ABCB10: variants seen among roughly 807,000 people sequenced by gnomAD.
ABCB10 encodes ATP-binding cassette sub-family B member 10, mitochondrial.
In ABCB10, 54 loss-of-function variants were observed where a neutral mutation model predicts 65.4. That is an observed-to-expected ratio of 0.83 (90% CI 0.66 to 1.04). ABCB10 has a LOEUF of 1.04. Among genes scored for constraint, ABCB10 ranks in the 50% least tolerant of loss-of-function variants. ABCB10 has a pLI of 0.00. For synonymous variants in ABCB10, 418 were observed against 406.5 expected (o/e 1.03, Z -0.34); for missense variants, 846 against 976.6 (o/e 0.87, Z 1.78).
intron 10 of ABCB10, 75 bp from the exon 11 acceptor site, chr1:229,521,710 T>TG: frequency 6.6e-7 from 1 of 1,525,272 alleles, no homozygotes; most frequent in Non-Finnish European, 9.0e-7. Flanking sequence ...ATAAACCATA[T>TG]AGCAATTTGA....
chr1:229,533,856 A>G (rs1330403796), intron 6 of ABCB10, among the ~76,000 whole-genome samples: 2 of 152,242 alleles, frequency 1.3e-5, no homozygotes, highest in African/African-American at 4.8e-5. Context: ...GAGCAAGTGT[A>G]GATGACCTTG....
At chr1:229,536,848 T>C (rs1662732077) in intron 6 of ABCB10, among the ~76,000 whole-genome samples, 1 of 151,408 alleles carries the variant, frequency 6.6e-6, no homozygotes, top group Non-Finnish European at 1.5e-5. Context: ...TCTCAGCTAC[T>C]CAGGGGGCTG....
rs114066954 is a variant in ABCB10 at position 229,524,776 on chromosome 1, T to C, written c.1906+1160A>G. ...CGGCCCTCAAGCTAAGAATGTGTTTTACATTTTTAAAGTTGCTTAAAAGCA... is the reference window on the plus strand; with the variant it reads ...CGGCCCTCAAGCTAAGAATGTGTTTCACATTTTTAAAGTTGCTTAAAAGCA... On this transcript the variant is annotated intron_variant, in intron 10 of 12. Transcript: ENST00000344517. Among the ~76,000 whole-genome samples the C allele has an allele frequency of 9.1e-3, 1,385 of 152,280 alleles. 19 individuals are homozygous for C. Among genetic ancestry groups the C allele is most frequent in the African/African-American group, 0.031 (1,299 of 41,554 alleles).
intron 3 of ABCB10, among the ~76,000 whole-genome samples, chr1:229,546,502 CAT>C (rs1178859144): frequency 2.0e-5 from 3 of 152,092 alleles, no homozygotes; most frequent in African/African-American, 7.2e-5. Context: ...TAAAATACCT[CAT>C]TAATAATTTT....
At position 229,557,039 on chromosome 1, in the gene ABCB10, T is replaced by C. The variant is rs551713389; in HGVS notation, c.517+1097A>G. Among the ~76,000 whole-genome samples, 13 of 152,316 alleles carry C rather than the reference T, an allele frequency of 8.5e-5. No homozygotes were observed. In the South Asian group the frequency reaches 2.7e-3, roughly 32 times the overall value. On this transcript the variant is annotated intron_variant, in intron 1 of 12. Transcript: ENST00000344517. ...CCAACTGAACAATGAAATAATTCTC[T>C]TTACACCCGAGTGATATCAACAGCC...
At chr1:229,544,784 T>C (rs554712116) in intron 3 of ABCB10, among the ~76,000 whole-genome samples, 43 of 152,272 alleles carry the variant, frequency 2.8e-4, no homozygotes, top group African/African-American at 7.7e-4. Context: ...CATGATCCAA[T>C]AGGATTAGTG....
rs1220846127 is a variant in ABCB10 at position 229,517,158 on chromosome 1, TATTA to T, written c.*1017_*1020del. 1 of 152,214 alleles carries T rather than the reference TATTA, an allele frequency of 6.6e-6. No individual in the cohort carries two copies. Among genetic ancestry groups the T allele is most frequent in the Non-Finnish European group, 1.5e-5 (1 of 68,014 alleles). The allele number at this position is 152,214 out of a possible 1,614,324, so 9.4% of individuals were successfully genotyped here. On this transcript the variant is annotated 3_prime_UTR_variant, in exon 13 of 13. Transcript: ENST00000344517. The stretch of plus-strand genomic sequence containing the variant: ...AACTATAACCATAAATAAAAGGGCT[TATTA>T]ATATCTTCTTTTCAGGAGAGTGATA...
chr1:229,527,403 T>TTTTAAATGA, intron 8 of ABCB10, 95 bp from the exon 9 acceptor site: 1 of 1,087,704 alleles, frequency 9.2e-7, no homozygotes, highest in East Asian at 2.4e-5. Context: ...CAGACTCATT[T>TTTTAAATGA]TTTAAAGATC....
At position 229,518,385 on chromosome 1, in the gene ABCB10, G is replaced by A; in HGVS notation, c.2011C>T (p.Leu671Phe). The A allele has an allele frequency of 1.2e-6, 2 of 1,614,082 alleles. No individual in the cohort carries two copies. The highest frequency in any genetic ancestry group is 2.2e-5 in the East Asian group (1 of 44,884). The stretch of plus-strand genomic sequence containing the variant: ...AGTCGATCTAGAGCTTCTTGAACAA[G>A]GTACTCATTTTCGGCATCCAGCGCA... The part of the protein sequence containing the change: ...TSALDAENEY[L>F]VQEALDRLMD... Residue 671 changes from leucine (L) to phenylalanine (F), a missense_variant, in exon 13 of 13, where the codon CTT becomes TTT. By Grantham distance (22) the Leu-to-Phe change is conservative. Coordinates refer to ENST00000344517, the MANE Select transcript of ABCB10 (RefSeq NM_012089.3).
chr1:229,540,726 T>C lies in ABCB10; in HGVS notation c.1083A>G (p.Val361=). 1 of 1,613,772 alleles carries C rather than the reference T, an allele frequency of 6.2e-7. No individual in the cohort carries two copies. Residue 361 remains valine, a synonymous_variant, in exon 5 of 13, where the codon GTA becomes GTG. Transcript: ENST00000344517. ...CTTTCCCAAAAGCTCGAACAGTTCT[T>C]ACATTTCCAATACGTTCCTCAGCTA... ...TQLAEERIGN[V]RTVRAFGKEM...
chr1:229,523,239 G>A (rs1662358591), intron 10 of ABCB10, among the ~76,000 whole-genome samples: 1 of 152,076 alleles, frequency 6.6e-6, no homozygotes, highest in Non-Finnish European at 1.5e-5. Flanking sequence ...CCCTATCTTT[G>A]TCTCACCCCA....
Position 229,544,206 on chromosome 1 carries a change from G to A in ABCB10, c.922-1835C>T, listed in dbSNP as rs374980039. Among the ~76,000 whole-genome samples, 87 of 152,198 alleles carry A rather than the reference G, an allele frequency of 5.7e-4. No individual in the cohort carries two copies. The South Asian group carries it at 0.018, about 31-fold the overall frequency. The stretch of plus-strand genomic sequence containing the variant: ...AGGCAGGCGGATCGCTTGAGCCCAG[G>A]AGTTCAAAACCAGTGGGCTGGGCAA... On this transcript the variant is annotated intron_variant, in intron 3 of 12. Transcript: ENST00000344517.
intron 8 of ABCB10, among the ~76,000 whole-genome samples, chr1:229,527,668 G>A (rs1387971830): frequency 6.6e-6 from 1 of 152,168 alleles, no homozygotes; most frequent in Non-Finnish European, 1.5e-5. Context: ...GAAGGGAGGG[G>A]CAAGCCATGA....
intron 1 of ABCB10, among the ~76,000 whole-genome samples, chr1:229,557,696 C>T (rs967048626): frequency 2.0e-5 from 3 of 152,018 alleles, no homozygotes; most frequent in African/African-American, 7.2e-5. Context: ...GACTGCTTGA[C>T]AGACTCGCTT....
intron 8 of ABCB10, among the ~76,000 whole-genome samples, chr1:229,528,603 T>C (rs1662497659): frequency 6.6e-6 from 1 of 152,220 alleles, no homozygotes; most frequent in Non-Finnish European, 1.5e-5. Flanking sequence ...AAGTCACATA[T>C]TTATCTGACA....
At position 229,558,108 on chromosome 1, in the gene ABCB10, G is replaced by C. The variant is rs12075524; in HGVS notation, c.517+28C>G. The stretch of plus-strand genomic sequence containing the variant: ...GCGTGTGGAGAAGGAGAGGCCCGGC[G>C]GAGGGAAGTGGCCGGGGAGGACCCT... On this transcript the variant is annotated intron_variant, in intron 1 of 12. Coordinates refer to ENST00000344517, the MANE Select transcript of ABCB10 (RefSeq NM_012089.3). 5,475 of 1,335,284 alleles carry C rather than the reference G, an allele frequency of 4.1e-3. 190 individuals are homozygous for C. In the African/African-American group the frequency reaches 0.075, roughly 18 times the overall value. 82.7% of individuals were successfully genotyped at this position (1,335,284 alleles called of 1,614,324 possible).
intron 3 of ABCB10, among the ~76,000 whole-genome samples, chr1:229,544,550 TCAGGTC>T (rs906747137): frequency 7.2e-5 from 11 of 152,040 alleles, no homozygotes; most frequent in African/African-American, 2.7e-4. Context: ...TTCCCCTATG[TCAGGTC>T]CATGAGTTTG....
intron 3 of ABCB10, 28 bp from the exon 4 acceptor site, chr1:229,542,399 G>A (rs377716295): frequency 6.7e-4 from 1,081 of 1,605,726 alleles, no homozygotes; most frequent in South Asian, 8.6e-4. Flanking sequence ...AAATTCAGAG[G>A]TGTTTGTTAC....
intron 3 of ABCB10, among the ~76,000 whole-genome samples, chr1:229,546,089 T>C (rs1051668070): frequency 3.3e-5 from 5 of 151,826 alleles, no homozygotes; most frequent in Non-Finnish European, 7.4e-5. Flanking sequence ...GGAGAATCAC[T>C]TGAACCCGGG....
Sources: allele counts gnomAD v4.1 joint callset (sites outside exome capture counted in the v4.1 genomes callset), GRCh38; gene constraint gnomAD v4.1.1; transcripts MANE v1.5; gene names NCBI Gene and HGNC (gene_info 2026-07-23, HGNC 2026-07-21).